Variants in CD99 observed in about 807,000 individuals in gnomAD.
CD99 encodes the protein CD99 molecule (Xg blood group).
Under a neutral mutation model 28.4 loss-of-function variants are expected in CD99, and 19 were observed. The observed-to-expected ratio is 0.67, with a 90% CI of 0.47 to 0.98. The LOEUF (loss-of-function observed/expected upper bound fraction) is 0.98, where lower values mean the gene tolerates loss of function less well. Among genes scored for constraint, CD99 ranks in the 50% least tolerant of loss-of-function variants. The probability of loss-of-function intolerance (pLI) is 0.00; values close to 1 mark genes in which losing one functional copy is unlikely to be tolerated. For synonymous variants in CD99, 103 were observed against 92.1 expected (o/e 1.12, Z -0.67); for missense variants, 283 against 248.8 (o/e 1.14, Z -0.92).
intron 8 of CD99, among the ~76,000 whole-genome samples, chrX:2,736,064 T>A (rs1438993511): frequency 6.6e-6 from 1 of 151,624 alleles, no homozygotes; most frequent in African/African-American, 2.4e-5. Flanking sequence ...TAGCTGGGCA[T>A]GGTGGCGGGC....
chrX:2,739,941 A>T (rs2050121832), intron 9 of CD99, among the ~76,000 whole-genome samples: 1 of 150,568 alleles, frequency 6.6e-6, no homozygotes, highest in Non-Finnish European at 1.5e-5. Context: ...AAAAAAAAAA[A>T]ATTAGCCAGG....
rs761669437 is a variant in CD99 at position 2,717,591 on chromosome X, T to C, written c.101-14T>C. The C allele has an allele frequency of 4.3e-5, 70 of 1,610,432 alleles. No homozygotes were observed. Among genetic ancestry groups the C allele is most frequent in the Non-Finnish European group, 5.9e-5 (69 of 1,176,742 alleles). ...GCTGCAACTTTTACTAACTGAAATA[T>C]CTTATCTCTTTAGACAATGAAAACA... On this transcript the variant is annotated splice_polypyrimidine_tract_variant and intron_variant, in intron 2 of 9. Transcript: ENST00000381192.
chrX:2,716,120 G>C, intron 2 of CD99, among the ~76,000 whole-genome samples: 1 of 151,656 alleles, frequency 6.6e-6, no homozygotes, highest in African/African-American at 2.4e-5. Context: ...CCGGGTTCAA[G>C]TGATTCTCCT....
chrX:2,702,961 G>A (rs1229203409), intron 1 of CD99, among the ~76,000 whole-genome samples: 2 of 152,124 alleles, frequency 1.3e-5, no homozygotes, highest in East Asian at 1.9e-4. Flanking sequence ...GCTAATTTTT[G>A]TATTTTTAGT....
At chrX:2,729,132 G>A (rs778587011) in intron 8 of CD99, among the ~76,000 whole-genome samples, 31 of 152,176 alleles carry the variant, frequency 2.0e-4, no homozygotes, top group African/African-American at 7.0e-4. Context: ...CAAAGCACCC[G>A]GCCTCTTTTT....
At chrX:2,702,638 A>G (rs952174684) in intron 1 of CD99, among the ~76,000 whole-genome samples, 1 of 152,130 alleles carries the variant, frequency 6.6e-6, no homozygotes, top group Non-Finnish European at 1.5e-5. Flanking sequence ...TTTGTGACTT[A>G]GGTAAACATG....
intron 8 of CD99, among the ~76,000 whole-genome samples, chrX:2,735,723 C>T (rs2049895916): frequency 2.6e-5 from 4 of 152,146 alleles, no homozygotes; most frequent in African/African-American, 9.7e-5. Flanking sequence ...GAACAAATGA[C>T]ATTTGTGGTG....
chrX:2,696,576 T>C (rs1174520416), intron 1 of CD99, among the ~76,000 whole-genome samples: 3 of 151,938 alleles, frequency 2.0e-5, no homozygotes, highest in Admixed American at 6.6e-5. Context: ...AATTTTTGTA[T>C]TTTTTTAGTA....
intron 8 of CD99, among the ~76,000 whole-genome samples, chrX:2,734,360 G>A (rs1173849424): frequency 6.6e-6 from 1 of 151,684 alleles, no homozygotes; most frequent in Non-Finnish European, 1.5e-5. Flanking sequence ...AGGCTGGAGT[G>A]CAGTGGTGCA....
At chrX:2,704,309 C>T (rs1373545666) in intron 1 of CD99, among the ~76,000 whole-genome samples, 2 of 152,198 alleles carry the variant, frequency 1.3e-5, no homozygotes, top group African/African-American at 4.8e-5. Context: ...TGTTCTTTCA[C>T]GTCTATACCC....
intron 1 of CD99, chrX:2,691,725 C>T: frequency 1.4e-6 from 1 of 714,438 alleles, no homozygotes; most frequent in South Asian, 1.5e-5. Context: ...ATCTAGGGGA[C>T]CTTCTTACAG....
At chrX:2,695,459 T>G (rs1269885484) in intron 1 of CD99, among the ~76,000 whole-genome samples, 2 of 152,016 alleles carry the variant, frequency 1.3e-5, no homozygotes, top group African/African-American at 2.4e-5. Flanking sequence ...TTGCCCAGAC[T>G]GGAGTGCAGG....
chrX:2,718,689 CA>C (rs1480249283), intron 3 of CD99, among the ~76,000 whole-genome samples: 1 of 152,094 alleles, frequency 6.6e-6, no homozygotes, highest in East Asian at 1.9e-4. Context: ...TTCTTTCAAA[CA>C]AAAGTCAGAA....
chrX:2,736,184 A>G (rs947186714), intron 8 of CD99, among the ~76,000 whole-genome samples: 104 of 150,828 alleles, frequency 6.9e-4, no homozygotes, highest in Non-Finnish European at 1.2e-3. Context: ...CCTGGGCGAC[A>G]GAGCAAGACT....
intron 5 of CD99, 49 bp from the exon 6 acceptor site, chrX:2,722,578 C>T: frequency 6.4e-7 from 1 of 1,564,800 alleles, no homozygotes; most frequent in Non-Finnish European, 8.8e-7. Context: ...ACATGAAGAC[C>T]CTTGGAGGAG....
At chrX:2,723,474 C>G (rs1302349722) in intron 7 of CD99, 110 bp downstream of exon 7, 3 of 1,256,594 alleles carry the variant, frequency 2.4e-6, no homozygotes, top group Non-Finnish European at 3.5e-6. Context: ...CCTAAAGCTA[C>G]TGGCAGGAGG....
intron 8 of CD99, among the ~76,000 whole-genome samples, chrX:2,729,311 T>C (rs2049468593): frequency 6.6e-6 from 1 of 152,216 alleles, no homozygotes; most frequent in African/African-American, 2.4e-5. Flanking sequence ...TAAGCCTATT[T>C]CATATTCACA....
At chrX:2,704,398 A>C (rs2048024595) in intron 1 of CD99, among the ~76,000 whole-genome samples, 1 of 152,036 alleles carries the variant, frequency 6.6e-6, no homozygotes, top group African/African-American at 2.4e-5. Context: ...AAGTATATGC[A>C]GTTTAACCAC....
In CD99 at chrX:2,719,691, T is replaced by C; in HGVS notation, c.179T>C (p.Val60Ala). 1 of 1,613,942 alleles carries C rather than the reference T, an allele frequency of 6.2e-7. No individual in the cohort carries two copies. Among genetic ancestry groups the C allele is most frequent in the Admixed American group, 1.7e-5 (1 of 60,012 alleles). ...GACTTTGACTTAGGAGATGCTGTTG[T>C]TGATGGAGAAAATGGTGAGTATTTT... Reference protein sequence around the residue: ...GDDFDLGDAVVDGENDDPRPP... With the variant: ...GDDFDLGDAVADGENDDPRPP... Residue 60 changes from valine (V) to alanine (A), a missense_variant, in exon 4 of 10, where the codon GTT becomes GCT. Coordinates refer to ENST00000381192, the MANE Select transcript of CD99 (RefSeq NM_002414.5).
Sources: gnomAD v4.1 joint callset for allele counts (sites outside exome capture counted in the v4.1 genomes callset) on GRCh38, gnomAD v4.1.1 for gene constraint, MANE v1.5 for transcripts, NCBI Gene and HGNC (gene_info 2026-07-23, HGNC 2026-07-21) for gene names.